The following SHANK2 variants were observed in gnomAD, a reference collection of about 807,000 sequenced individuals.
SHANK2 encodes the protein SH3 and multiple ankyrin repeat domains protein 2.
Under a neutral mutation model 133.7 loss-of-function variants are expected in SHANK2, and 43 were observed. The ratio of observed to expected loss-of-function variants is 0.32; its 90% CI spans 0.25 to 0.41. The LOEUF (loss-of-function observed/expected upper bound fraction) is 0.41. SHANK2 is among the 10% of genes least tolerant of loss of function. SHANK2 has a pLI of 1.00. For missense variants in SHANK2, 1,994 were observed against 2,235.8 expected (o/e 0.89, Z 2.18); for synonymous variants, 1,017 against 952.8 (o/e 1.07, Z -1.24).
chr11:70,564,507 G>A (rs1395914406), intron 17 of SHANK2, among the ~76,000 whole-genome samples: 3 of 151,942 alleles, frequency 2.0e-5, no homozygotes, highest in Admixed American at 6.6e-5. Context: ...TGATCTGCCC[G>A]CCTCAGCCTC....
chr11:70,773,406 G>T (rs1381833160), intron 14 of SHANK2, among the ~76,000 whole-genome samples: 1 of 152,218 alleles, frequency 6.6e-6, no homozygotes, highest in Non-Finnish European at 1.5e-5. Flanking sequence ...AACTGGAAGA[G>T]CCATTAGCAA....
chr11:71,081,998 AGTGAGGCTC>A (rs1951307115), intron 8 of SHANK2, among the ~76,000 whole-genome samples: 1 of 152,142 alleles, frequency 6.6e-6, no homozygotes, highest in South Asian at 2.1e-4. Context: ...CACGTCCCAC[AGTGAGGCTC>A]GGTCCCAGTT....
chr11:70,677,812 G>A (rs1944931930), intron 15 of SHANK2, among the ~76,000 whole-genome samples: 1 of 152,184 alleles, frequency 6.6e-6, no homozygotes, highest in African/African-American at 2.4e-5. Context: ...CAGGGTCCTT[G>A]CGTACCCATT....
chr11:71,239,893 C>T (rs1367241094), intron 1 of SHANK2, among the ~76,000 whole-genome samples: 2 of 152,202 alleles, frequency 1.3e-5, no homozygotes, highest in African/African-American at 4.8e-5. Context: ...CCACTAAGCC[C>T]ACCAGGCACA....
chr11:70,749,597 G>A (rs1555037041), intron 14 of SHANK2, among the ~76,000 whole-genome samples: 1 of 152,192 alleles, frequency 6.6e-6, no homozygotes. Flanking sequence ...GCTGGACCTA[G>A]GAGGCAATGA....
chr11:71,075,901 C>T (rs1212110344), intron 8 of SHANK2, among the ~76,000 whole-genome samples: 5 of 152,210 alleles, frequency 3.3e-5, no homozygotes, highest in Admixed American at 6.5e-5. Context: ...TGTGAACCGT[C>T]AGGGCCCAGG....
chr11:70,781,558 T>TTATTTATATATATATATATA lies in SHANK2; in HGVS notation c.1777+16884_1777+16885insTATATATATATATATAAATA, dbSNP rs71049941. 7.1e-3 allele frequency among the ~76,000 whole-genome samples: 207 copies of TTATTTATATATATATATATA among 28,964 alleles called. 9 individuals are homozygous for TTATTTATATATATATATATA. Among genetic ancestry groups the TTATTTATATATATATATATA allele is most frequent in the South Asian group, 0.018 (10 of 542 alleles). The allele number at this position is 28,964 out of a possible 152,430, so 19.0% of individuals were successfully genotyped here. On this transcript the variant is annotated intron_variant, in intron 14 of 25. Coordinates refer to ENST00000601538, the MANE Select transcript of SHANK2 (RefSeq NM_012309.5). ...AAGCAGCTTGCAATTTACTTACTTA[T>TTATTTATATATATATATATA]TATATATATATATATATATATATAT...
intron 15 of SHANK2, among the ~76,000 whole-genome samples, chr11:70,680,371 G>A (rs1199652046): frequency 6.6e-6 from 1 of 152,176 alleles, no homozygotes; most frequent in Non-Finnish European, 1.5e-5. Context: ...AGGTGTTGGA[G>A]GGCGGGCTCC....
intron 11 of SHANK2, among the ~76,000 whole-genome samples, chr11:70,873,533 G>C (rs1300748900): frequency 1.3e-5 from 2 of 152,216 alleles, no homozygotes; most frequent in Admixed American, 1.3e-4. Flanking sequence ...TCCCATGAAG[G>C]AGGAGCGGCT....
At chr11:71,107,145 T>C (rs574616735) in intron 6 of SHANK2, among the ~76,000 whole-genome samples, 1 of 152,090 alleles carries the variant, frequency 6.6e-6, no homozygotes, top group South Asian at 2.1e-4. Flanking sequence ...GGAGGGGTAA[T>C]GATTTCTGTC....
intron 11 of SHANK2, among the ~76,000 whole-genome samples, chr11:70,862,289 T>G (rs1949271871): frequency 6.6e-6 from 1 of 152,202 alleles, no homozygotes; most frequent in Admixed American, 6.5e-5. Flanking sequence ...ACAATCTGAT[T>G]TATGGTCTTT....
rs543109906 is a variant in SHANK2 at position 70,800,769 on chromosome 11, A to G, written c.1664-2213T>C. On this transcript the variant is annotated intron_variant, in intron 13 of 25. Transcript: ENST00000601538. The stretch of plus-strand genomic sequence containing the variant: ...ATGTGCCTCACAGTTTCCCAGCAGA[A>G]CCCTGGACCTGAGAGGGTCATCTCA... 3.7e-4 allele frequency among the ~76,000 whole-genome samples: 57 copies of G among 152,254 alleles called. No individual in the cohort carries two copies. The South Asian group carries it at 0.011, about 30-fold the overall frequency.
At chr11:70,540,386 T>G (rs1445918347) in intron 17 of SHANK2, among the ~76,000 whole-genome samples, 1 of 151,686 alleles carries the variant, frequency 6.6e-6, no homozygotes. Flanking sequence ...CCCTCCCTCC[T>G]GTGGAGTCGA....
intron 11 of SHANK2, among the ~76,000 whole-genome samples, chr11:70,883,103 C>G (rs1340560663): frequency 6.6e-6 from 1 of 152,132 alleles, no homozygotes; most frequent in African/African-American, 2.4e-5. Flanking sequence ...CCCTGGGGAC[C>G]CTTGTCAAGT....
chr11:71,130,164 T>C (rs1565468130), intron 3 of SHANK2, among the ~76,000 whole-genome samples: 1 of 152,222 alleles, frequency 6.6e-6, no homozygotes, highest in Non-Finnish European at 1.5e-5. Flanking sequence ...TCCTGGGCTA[T>C]GACTTCATTC....
chr11:70,654,738 G>C (rs1245136343), intron 17 of SHANK2, among the ~76,000 whole-genome samples: 1 of 145,146 alleles, frequency 6.9e-6, no homozygotes, highest in Admixed American at 7.0e-5. Context: ...TTGCCACACT[G>C]TAATTGCTAC....
chr11:70,746,159 G>A (rs1245431459), intron 14 of SHANK2, among the ~76,000 whole-genome samples: 1 of 152,238 alleles, frequency 6.6e-6, no homozygotes, highest in Non-Finnish European at 1.5e-5. Flanking sequence ...AGGAGGCTGT[G>A]AACTCACCCA....
rs1470084277 is a variant in SHANK2 at position 70,487,830 on chromosome 11, A to G, written c.2573-110T>C. The G allele has an allele frequency of 5.2e-6, 8 of 1,543,862 alleles. No individual in the cohort carries two copies. In the African/African-American group the frequency reaches 1.1e-4, roughly 21 times the overall value. ...ACAAACTCACAAATTCAGATGATGA[A>G]CCGGATGTTCAGGAAACACAGCACA... On this transcript the variant is annotated intron_variant, in intron 24 of 25. Coordinates refer to ENST00000601538, the MANE Select transcript of SHANK2 (RefSeq NM_012309.5). The surrounding 1 kb of genome is among the most constrained non-coding windows in gnomAD (Gnocchi z 5.8).
At chr11:70,836,926 CA>C (rs1232372229) in intron 11 of SHANK2, among the ~76,000 whole-genome samples, 5 of 152,174 alleles carry the variant, frequency 3.3e-5, no homozygotes, top group Admixed American at 3.3e-4. Flanking sequence ...GGTGGGACCC[CA>C]TGATGGGACT....
Sources: allele counts gnomAD v4.1 joint callset (sites outside exome capture counted in the v4.1 genomes callset), GRCh38; gene constraint gnomAD v4.1.1; non-coding constraint Gnocchi (gnomAD v3.1); transcripts MANE v1.5; gene names NCBI Gene and HGNC (gene_info 2026-07-23, HGNC 2026-07-21).